Variants in WWTR1 observed in about 807,000 individuals in gnomAD.
WWTR1 encodes WW domain containing transcription regulator 1.
In WWTR1, 13 loss-of-function variants were observed where a neutral mutation model predicts 40.1. The ratio of observed to expected loss-of-function variants is 0.32; its 90% CI spans 0.21 to 0.52. The LOEUF (loss-of-function observed/expected upper bound fraction) is 0.52. Ranked by LOEUF, WWTR1 falls within the 20% of genes least tolerant of loss-of-function variation. The pLI, the probability that WWTR1 is intolerant of heterozygous loss-of-function variation, is 0.97. For synonymous variants in WWTR1, 230 were observed against 210.1 expected (o/e 1.09, Z -0.82); for missense variants, 436 against 523.1 (o/e 0.83, Z 1.63).
At chr3:149,638,077 G>A (rs868418908) in intron 2 of WWTR1, among the ~76,000 whole-genome samples, 5 of 152,058 alleles carry the variant, frequency 3.3e-5, no homozygotes, top group African/African-American at 7.2e-5. Context: ...TTAGCCAGGC[G>A]TGGTGCTGTA....
At position 149,520,824 on chromosome 3, in the gene WWTR1, G is replaced by C; in HGVS notation, c.1184C>G (p.Pro395Arg). Reference sequence around the variant, plus strand: ...TAGTGATTACAGCCAGGTTAGAAAGGGCTCACTTTTGTTCAGAGCAGACTC... The same window carrying C: ...TAGTGATTACAGCCAGGTTAGAAAGCGCTCACTTTTGTTCAGAGCAGACTC... ...DVESALNKSE[P>R]FLTWL is the part of the protein sequence containing the mutation. The change falls in exon 7 of 7, where the codon CCC becomes CGC. Residue 395 changes from proline to arginine, a missense_variant. By Grantham distance (103) the Pro-to-Arg change is moderately radical. Transcript: ENST00000360632. The C allele has an allele frequency of 6.2e-7, 1 of 1,600,054 alleles. No homozygotes were observed.
At chr3:149,522,905 C>A (rs980110937) in intron 6 of WWTR1, among the ~76,000 whole-genome samples, 46 of 151,436 alleles carry the variant, frequency 3.0e-4, no homozygotes, top group African/African-American at 7.0e-4. Flanking sequence ...AACAAAAAAA[C>A]CCCAAAAAAA....
At chr3:149,591,680 C>CA (rs1166063486) in intron 2 of WWTR1, among the ~76,000 whole-genome samples, 1 of 151,906 alleles carries the variant, frequency 6.6e-6, no homozygotes, top group Non-Finnish European at 1.5e-5. Context: ...AACATTTACA[C>CA]AAAAAACATT....
intron 2 of WWTR1, among the ~76,000 whole-genome samples, chr3:149,592,949 C>A (rs769322560): frequency 9.2e-5 from 14 of 152,074 alleles, no homozygotes; most frequent in Admixed American, 2.0e-4. Flanking sequence ...CTGGGGCATG[C>A]CACATTGAAA....
At chr3:149,620,316 T>G (rs1171514751) in intron 2 of WWTR1, among the ~76,000 whole-genome samples, 2 of 152,142 alleles carry the variant, frequency 1.3e-5, no homozygotes, top group South Asian at 4.1e-4. Flanking sequence ...CCAACCTCCA[T>G]GATATGAGAC....
rs534157819 is a variant in WWTR1, at chr3:149,629,304, A to G, written c.431+27572T>C. Among the ~76,000 whole-genome samples the G allele has an allele frequency of 4.1e-4, 58 of 140,342 alleles. 1 individual carries two copies. In the South Asian group the frequency reaches 0.013, roughly 31 times the overall value. 92.1% of individuals were successfully genotyped at this position (140,342 alleles called of 152,430 possible). ...CTTTGATCTTACAGAAGAGTCCCTC[A>G]GGCTCACAAAAGTACTTATATTGTA... On this transcript the variant is annotated intron_variant, in intron 2 of 6. Transcript: ENST00000360632.
rs7627120 is a variant in WWTR1, at chr3:149,580,692, C to T, written c.432-7692G>A. Among the ~76,000 whole-genome samples, 406 of 152,364 alleles carry T rather than the reference C, an allele frequency of 2.7e-3. 3 individuals carry two copies. Among genetic ancestry groups the T allele is most frequent in the African/African-American group, 9.3e-3 (388 of 41,594 alleles). On this transcript the variant is annotated intron_variant, in intron 2 of 6. Coordinates refer to ENST00000360632, the MANE Select transcript of WWTR1 (RefSeq NM_015472.6). ...GCAATGGTGCGATCTCAGCTCCCTG[C>T]AGCCTCTGCCTTCCGGTTCAGGCAA... is the stretch of plus-strand genomic sequence containing the variant.
chr3:149,645,590 G>T (rs1712470915), intron 2 of WWTR1, among the ~76,000 whole-genome samples: 1 of 152,168 alleles, frequency 6.6e-6, no homozygotes, highest in Admixed American at 6.5e-5. Flanking sequence ...GTCAGTAAAA[G>T]TTACGTTTGT....
upstream of WWTR1, among the ~76,000 whole-genome samples, chr3:149,707,948 G>A (rs1009663872): frequency 6.1e-5 from 9 of 146,832 alleles, no homozygotes; most frequent in African/African-American, 2.3e-4. Context: ...TACCAATACT[G>A]TTCTCCTAAA....
intron 2 of WWTR1, among the ~76,000 whole-genome samples, chr3:149,631,793 T>C (rs1711559304): frequency 1.3e-5 from 2 of 152,142 alleles, no homozygotes. Context: ...GAGACATGAA[T>C]TATCCCAACA....
At chr3:149,627,607 A>G (rs996878470) in intron 2 of WWTR1, among the ~76,000 whole-genome samples, 8 of 152,226 alleles carry the variant, frequency 5.3e-5, no homozygotes, top group Non-Finnish European at 1.2e-4. Context: ...AAGCTGGTCA[A>G]AGTTTGTATT....
At chr3:149,694,237 C>T (rs1268631131) in intron 1 of WWTR1, among the ~76,000 whole-genome samples, 1 of 151,974 alleles carries the variant, frequency 6.6e-6, no homozygotes, top group East Asian at 1.9e-4. Context: ...ACTAAAAATA[C>T]AAAAAAATTA....
At chr3:149,690,065 A>T (rs1714767997) in intron 1 of WWTR1, among the ~76,000 whole-genome samples, 1 of 152,202 alleles carries the variant, frequency 6.6e-6, no homozygotes. Context: ...CCAGTTTTAA[A>T]TAACGGGTTA....
chr3:149,712,380 A>C (rs1715495652), intron 5 of WWTR1, among the ~76,000 whole-genome samples: 1 of 152,228 alleles, frequency 6.6e-6, no homozygotes, highest in South Asian at 2.1e-4. Flanking sequence ...GGGTAAGAGA[A>C]AACACAAAAA....
chr3:149,538,402 T>C (rs1274885651), intron 4 of WWTR1, among the ~76,000 whole-genome samples: 4 of 152,154 alleles, frequency 2.6e-5, no homozygotes, highest in Non-Finnish European at 5.9e-5. Flanking sequence ...AAAAGAAAAC[T>C]CTATCACAGA....
At chr3:149,586,757 A>C (rs1444627007) in intron 2 of WWTR1, among the ~76,000 whole-genome samples, 1 of 152,186 alleles carries the variant, frequency 6.6e-6, no homozygotes, top group Non-Finnish European at 1.5e-5. Flanking sequence ...ACCACATCCC[A>C]ACCTTCAGGG....
intron 2 of WWTR1, among the ~76,000 whole-genome samples, chr3:149,638,496 A>G (rs2108121801): frequency 6.6e-6 from 1 of 152,320 alleles, no homozygotes; most frequent in South Asian, 2.1e-4. Flanking sequence ...TATAATTCAC[A>G]TAATGCTAGC....
At chr3:149,543,016 C>T (rs1234618941) in intron 3 of WWTR1, among the ~76,000 whole-genome samples, 2 of 152,022 alleles carry the variant, frequency 1.3e-5, no homozygotes, top group East Asian at 3.9e-4. Flanking sequence ...CACAAAGCAC[C>T]TAGATCAGGA....
chr3:149,723,569 T>A (rs1187950594), intron 4 of WWTR1, among the ~76,000 whole-genome samples: 1 of 151,980 alleles, frequency 6.6e-6, no homozygotes, highest in East Asian at 1.9e-4. Context: ...AAAGTTAAGA[T>A]CCTTTCATAT....
Sources: allele counts gnomAD v4.1 joint callset (sites outside exome capture counted in the v4.1 genomes callset), GRCh38; gene constraint gnomAD v4.1.1; transcripts MANE v1.5; gene names NCBI Gene and HGNC (gene_info 2026-07-23, HGNC 2026-07-21).